PTH1R: variants seen among roughly 807,000 people sequenced by gnomAD.
PTH1R encodes the protein parathyroid hormone 1 receptor.
In PTH1R, 32 loss-of-function variants were observed where a neutral mutation model predicts 70.7. The ratio of observed to expected loss-of-function variants is 0.45; its 90% CI spans 0.34 to 0.61. The LOEUF (loss-of-function observed/expected upper bound fraction) is 0.61, where lower values mean the gene tolerates loss of function less well. PTH1R is among the 20% of genes least tolerant of loss of function. PTH1R has a pLI of 0.01. For synonymous variants in PTH1R, 329 were observed against 324.8 expected (o/e 1.01, Z -0.14); for missense variants, 626 against 792.5 (o/e 0.79, Z 2.52).
At chr3:46,895,347 ACT>A (rs1447442877) in intron 4 of PTH1R, among the ~76,000 whole-genome samples, 5 of 151,654 alleles carry the variant, frequency 3.3e-5, no homozygotes, top group Admixed American at 1.3e-4. Flanking sequence ...GACATCACCC[ACT>A]CTGTCTGCTT....
At chr3:46,899,194 C>A in intron 9 of PTH1R, 109 bp from the exon 10 acceptor site, 3 of 1,471,462 alleles carry the variant, frequency 2.0e-6, no homozygotes, top group Non-Finnish European at 2.8e-6. Flanking sequence ...CCTTCCTGGC[C>A]TGTTTGGCCG....
chr3:46,900,451 G>C (rs1017809728), intron 10 of PTH1R, among the ~76,000 whole-genome samples: 1 of 152,110 alleles, frequency 6.6e-6, no homozygotes, highest in Non-Finnish European at 1.5e-5. Flanking sequence ...GGAGGACCTG[G>C]GGCTCCCTTC....
In PTH1R at chr3:46,892,482, C is replaced by T. The variant is rs1449065976; in HGVS notation, c.76-1425C>T. On this transcript the variant is annotated intron_variant, in intron 3 of 15. Coordinates refer to ENST00000449590, the MANE Select transcript of PTH1R (RefSeq NM_000316.3). This position sits in a 1 kb window ranked among gnomAD's most constrained non-coding sequence, Gnocchi z 5.2. ...GAATGCGCTGCCACTCGCGCGCGCA[C>T]GCACAGGGACGCGCACGCGGCTCCG... is the stretch of plus-strand genomic sequence containing the variant. Among the ~76,000 whole-genome samples the T allele has an allele frequency of 1.3e-5, 2 of 152,194 alleles. No individual in the cohort carries two copies. The highest frequency in any genetic ancestry group is 2.4e-5 in the African/African-American group (1 of 41,450).
chr3:46,885,625 TAGA>T (rs1189663285), intron 3 of PTH1R, among the ~76,000 whole-genome samples: 1 of 152,050 alleles, frequency 6.6e-6, no homozygotes, highest in Non-Finnish European at 1.5e-5. Flanking sequence ...TGTCTGAGAG[TAGA>T]AGGACAGATG....
Position 46,893,850 on chromosome 3 carries a change from T to C in PTH1R, c.76-57T>C. 6.5e-7 allele frequency: 1 copy of C among 1,541,614 alleles called. No individual in the cohort carries two copies. Among genetic ancestry groups the C allele is most frequent in the South Asian group, 1.1e-5 (1 of 87,348 alleles). On this transcript the variant is annotated intron_variant, in intron 3 of 15. Transcript: ENST00000449590. This position sits in a 1 kb window ranked among gnomAD's most constrained non-coding sequence, Gnocchi z 5.2. The stretch of plus-strand genomic sequence containing the variant: ...TCCCTCTGGGAAATTGGGATGTCTC[T>C]GGGACCTGCTGCTGCGCCGGAAAGT...
rs995756704 is a variant in PTH1R at position 46,884,687 on chromosome 3, C to T, written c.75+1053C>T. On this transcript the variant is annotated intron_variant, in intron 3 of 15. Transcript: ENST00000449590. The surrounding 1 kb of genome is among the most constrained non-coding windows in gnomAD (Gnocchi z 4.8). ...CAGGGCAGTCAGGCAGCCTCCTCCT[C>T]CTGACCAGCAGCAGCTCCCTACACG... Among the ~76,000 whole-genome samples the T allele has an allele frequency of 2.6e-5, 4 of 152,156 alleles. No individual in the cohort carries two copies. Among genetic ancestry groups the T allele is most frequent in the South Asian group, 2.1e-4 (1 of 4,822 alleles).
intron 4 of PTH1R, among the ~76,000 whole-genome samples, chr3:46,894,924 TATG>T (rs997444191): frequency 2.7e-5 from 4 of 150,906 alleles, no homozygotes; most frequent in Non-Finnish European, 5.9e-5. Context: ...ATTAGCGAGG[TATG>T]GTGGTGCACA....
chr3:46,899,896 C>T (rs2032015240), intron 10 of PTH1R, among the ~76,000 whole-genome samples: 1 of 152,228 alleles, frequency 6.6e-6, no homozygotes, highest in Non-Finnish European at 1.5e-5. Flanking sequence ...TTGCCAGCCT[C>T]AGCAGGCCTG....
intron 3 of PTH1R, among the ~76,000 whole-genome samples, chr3:46,886,343 G>C (rs2106969460): frequency 6.6e-6 from 1 of 152,270 alleles, no homozygotes; most frequent in South Asian, 2.1e-4. Flanking sequence ...TCCAGGGGCA[G>C]CTTGGCCATG....
chr3:46,902,445 G>A lies in PTH1R; in HGVS notation c.1212-81G>A. 1.3e-5 allele frequency: 21 copies of A among 1,568,802 alleles called. No individual in the cohort carries two copies. Among genetic ancestry groups the A allele is most frequent in the Middle Eastern group, 4.5e-4 (2 of 4,396 alleles). On this transcript the variant is annotated intron_variant, in intron 13 of 15. Transcript: ENST00000449590. This position sits in a 1 kb window ranked among gnomAD's most constrained non-coding sequence, Gnocchi z 5.4. ...GGCCCCTTTGAGCTTCCGGAGCCTG[G>A]GGCTCGCAGGGTGGGGGGTGGCACA...
chr3:46,884,717 A>G lies in PTH1R; in HGVS notation c.75+1083A>G, dbSNP rs1033898727. ...CCAGCAGCAGCTCCCTACACGGGGC[A>G]GAGCTCCAGGCAGTTCCAATGAGCC... On this transcript the variant is annotated intron_variant, in intron 3 of 15. Coordinates refer to ENST00000449590, the MANE Select transcript of PTH1R (RefSeq NM_000316.3). The surrounding 1 kb of genome is among the most constrained non-coding windows in gnomAD (Gnocchi z 4.8). 2.0e-5 allele frequency among the ~76,000 whole-genome samples: 3 copies of G among 152,232 alleles called. No individual in the cohort carries two copies. Among genetic ancestry groups the G allele is most frequent in the African/African-American group, 7.2e-5 (3 of 41,454 alleles).
At chr3:46,890,171 A>G (rs1362092421) in intron 3 of PTH1R, among the ~76,000 whole-genome samples, 1 of 152,118 alleles carries the variant, frequency 6.6e-6, no homozygotes, top group Non-Finnish European at 1.5e-5. Context: ...ATACTCTTCC[A>G]TCCCAAAAGC....
chr3:46,891,053 G>T lies in PTH1R; in HGVS notation c.76-2854G>T, dbSNP rs1212441751. Among the ~76,000 whole-genome samples, 3 of 152,210 alleles carry T rather than the reference G, an allele frequency of 2.0e-5. No homozygotes were observed. The highest frequency in any genetic ancestry group is 3.8e-4 in the East Asian group (2 of 5,202). On this transcript the variant is annotated intron_variant, in intron 3 of 15. Coordinates refer to ENST00000449590, the MANE Select transcript of PTH1R (RefSeq NM_000316.3). This position sits in a 1 kb window ranked among gnomAD's most constrained non-coding sequence, Gnocchi z 4.3. The stretch of plus-strand genomic sequence containing the variant: ...GTGTGGGGTTGTCCTCCTCTTCTTG[G>T]GAAAGTGCTTCCTTAACTTTAACAT...
chr3:46,895,915 A>G, intron 5 of PTH1R, 46 bp downstream of exon 5: 1 of 1,597,666 alleles, frequency 6.3e-7, no homozygotes, highest in Non-Finnish European at 8.5e-7. Flanking sequence ...GCTTGGATCC[A>G]CCCACCCCCA....
In PTH1R at chr3:46,902,570, T is replaced by C. The variant is rs780040505; in HGVS notation, c.1256T>C (p.Val419Ala). 13 of 1,613,400 alleles carry C rather than the reference T, an allele frequency of 8.1e-6. No homozygotes were observed. The highest frequency in any genetic ancestry group is 1.0e-5 in the Non-Finnish European group (12 of 1,179,948). The change falls in exon 14 of 16, where the codon GTC (valine) becomes GCC (alanine). Residue 419 changes from valine (V) to alanine (A), a missense_variant. Physicochemically the swap from Val to Ala is moderately conservative, Grantham distance 64 (BLOSUM62 0). Around this residue, in one of 3 missense-constraint regions of PTH1R, gnomAD observed 495 missense variants for 638.7 expected, o/e 0.77. Transcript: ENST00000449590. This position sits in a 1 kb window ranked among gnomAD's most constrained non-coding sequence, Gnocchi z 5.4. ...STLVLMPLFG[V>A]HYIVFMATPY... ...CTGGTGCTCATGCCCCTCTTTGGCG[T>C]CCACTACATTGTCTTCATGGCCACA...
In PTH1R at chr3:46,892,603, T is replaced by C. The variant is rs1026970732; in HGVS notation, c.76-1304T>C. ...TGCTGCCGCCAAGAGACGCGGTCAA[T>C]TAACTTCTCCCTGCAGCCAGGCTCT... On this transcript the variant is annotated intron_variant, in intron 3 of 15. Transcript: ENST00000449590. This position sits in a 1 kb window ranked among gnomAD's most constrained non-coding sequence, Gnocchi z 5.2. 3.4e-5 allele frequency: 12 copies of C among 354,130 alleles called. No homozygotes were observed. Among genetic ancestry groups the C allele is most frequent in the African/African-American group, 2.7e-4 (12 of 45,238 alleles). The allele number at this position is 354,130 out of a possible 1,614,324, so 21.9% of individuals were successfully genotyped here.
Position 46,902,862 on chromosome 3 carries a change from C to T in PTH1R, c.1395+72C>T, listed in dbSNP as rs748031872. 5.4e-5 allele frequency: 85 copies of T among 1,576,754 alleles called. No individual in the cohort carries two copies. Among genetic ancestry groups the T allele is most frequent in the Non-Finnish European group, 7.1e-5 (82 of 1,149,032 alleles). On this transcript the variant is annotated intron_variant, in intron 15 of 15. Coordinates refer to ENST00000449590, the MANE Select transcript of PTH1R (RefSeq NM_000316.3). This position sits in a 1 kb window ranked among gnomAD's most constrained non-coding sequence, Gnocchi z 5.4. ...CCAGAGGCTTCCTCAAGGCTCATTT[C>T]TCCATTCTTCCACCCTGTTATTTCT... is the stretch of plus-strand genomic sequence containing the variant.
rs550566389 is a variant in PTH1R, at chr3:46,898,575, C to T, written c.639-87C>T. On this transcript the variant is annotated intron_variant, in intron 8 of 15. Transcript: ENST00000449590. ...TGCACCCATCACCCCCGGCGGGTGT[C>T]CCTACCTACGGCGCACAACCCAGCT... 8.6e-4 allele frequency: 1,382 copies of T among 1,599,424 alleles called. 1 individual carries two copies. Among genetic ancestry groups the T allele is most frequent in the Non-Finnish European group, 1.1e-3 (1,276 of 1,174,452 alleles).
In PTH1R at chr3:46,903,760, A is replaced by T; in HGVS notation, c.*104A>T. 6.5e-7 allele frequency: 1 copy of T among 1,537,716 alleles called. No individual in the cohort carries two copies. Among genetic ancestry groups the T allele is most frequent in the Non-Finnish European group, 8.7e-7 (1 of 1,147,726 alleles). ...CTCAGGGCTGGGGCCAAGAGGAAAA[A>T]CAGGGAAAAAAAGAAAAAAAAAAGA... On this transcript the variant is annotated 3_prime_UTR_variant, in exon 16 of 16. Transcript: ENST00000449590. This position sits in a 1 kb window ranked among gnomAD's most constrained non-coding sequence, Gnocchi z 4.4.
Sources: allele counts gnomAD v4.1 joint callset (sites outside exome capture counted in the v4.1 genomes callset), GRCh38; gene constraint gnomAD v4.1.1; regional missense constraint gnomAD v4.1.1; non-coding constraint Gnocchi (gnomAD v3.1); transcripts MANE v1.5; gene names NCBI Gene and HGNC (gene_info 2026-07-23, HGNC 2026-07-21).